ERICH1: variants seen among roughly 807,000 people sequenced by gnomAD.
ERICH1 encodes glutamate-rich protein 1.
ERICH1 carries 56 observed loss-of-function variants against 39.6 expected under a neutral mutation model. That is an observed-to-expected ratio of 1.41 (90% confidence interval 1.14 to 1.77). The LOEUF is 1.77. Among genes scored for constraint, ERICH1 ranks in the 40% most tolerant of loss-of-function variants. The pLI, the probability that ERICH1 is intolerant of heterozygous loss-of-function variation, is 0.00. For missense variants in ERICH1, 826 were observed against 575.4 expected (o/e 1.44, Z -4.45); for synonymous variants, 313 against 223.6 (o/e 1.40, Z -3.57).
downstream of ERICH1, among the ~76,000 whole-genome samples, chr8:661,031 C>T (rs963400248): frequency 2.0e-5 from 3 of 152,178 alleles, no homozygotes; most frequent in South Asian, 6.2e-4. Context: ...GACCAAAGCC[C>T]TAAGTAACCT....
chr8:701,628 C>G (rs1019289498), intron 2 of ERICH1, among the ~76,000 whole-genome samples: 1 of 152,186 alleles, frequency 6.6e-6, no homozygotes, highest in African/African-American at 2.4e-5. Flanking sequence ...ACTGCAAGAG[C>G]AAACACTGTC....
Position 721,062 on chromosome 8 carries a change from C to G in ERICH1, c.23-5055G>C, listed in dbSNP as rs116613688. 3.7e-3 allele frequency among the ~76,000 whole-genome samples: 570 copies of G among 152,228 alleles called. 4 individuals carry two copies. Among genetic ancestry groups the G allele is most frequent in the African/African-American group, 0.013 (538 of 41,534 alleles). ...TCATAAAGTGTCCTGTAAACAGGCA[C>G]AAAAACAGATGATCTCAAATAGATG... On this transcript the variant is annotated intron_variant, in intron 1 of 5. Transcript: ENST00000262109.
At position 627,893 on chromosome 8, in the gene ERICH1, C is replaced by A. The variant is rs866440282; in HGVS notation, c.977-12609G>T. Among the ~76,000 whole-genome samples, 11 of 152,306 alleles carry A rather than the reference C, an allele frequency of 7.2e-5. No homozygotes were observed. In the South Asian group the frequency reaches 2.3e-3, roughly 32 times the overall value. On this transcript the variant is annotated intron_variant, in intron 3 of 3. Transcript: ENST00000522706. Reference sequence around the variant, plus strand: ...CAAGCTCTGGGCAGATCCCAGCTGCCTCCCCTAGTCCCCTCGGGAAGGGGA... The same window carrying A: ...CAAGCTCTGGGCAGATCCCAGCTGCATCCCCTAGTCCCCTCGGGAAGGGGA...
At chr8:668,965 T>C (rs1411394411) in intron 4 of ERICH1, 173 bp from the exon 5 acceptor site, 1 of 641,626 alleles carries the variant, frequency 1.6e-6, no homozygotes, top group Admixed American at 3.1e-5. Flanking sequence ...CAGCACAAAA[T>C]ACCACTGCAT....
chr8:707,455 A>G (rs999134689), intron 2 of ERICH1, among the ~76,000 whole-genome samples: 21 of 152,036 alleles, frequency 1.4e-4, no homozygotes, highest in African/African-American at 4.8e-4. Context: ...TGATCCATCC[A>G]CCTCAGCCTC....
intron 3 of ERICH1, chr8:616,419 A>C: frequency 2.4e-6 from 1 of 409,146 alleles, no homozygotes. Context: ...AGGCTGACCG[A>C]ACCCCGCACA....
intron 3 of ERICH1, among the ~76,000 whole-genome samples, chr8:623,012 C>G (rs1363784449): frequency 6.6e-6 from 1 of 151,140 alleles, no homozygotes; most frequent in Non-Finnish European, 1.5e-5. Context: ...AATACCAATA[C>G]TGTCAATACC....
intron 3 of ERICH1, among the ~76,000 whole-genome samples, chr8:621,234 G>T (rs1797264062): frequency 6.6e-6 from 1 of 152,038 alleles, no homozygotes; most frequent in Non-Finnish European, 1.5e-5. Context: ...GAAAATAAAA[G>T]CACATCATGC....
intron 3 of ERICH1, among the ~76,000 whole-genome samples, chr8:689,794 C>T (rs1328135531): frequency 2.0e-5 from 3 of 152,154 alleles, no homozygotes; most frequent in African/African-American, 4.8e-5. Flanking sequence ...CGGACGTAAG[C>T]GGTATTTTGA....
At chr8:727,997 C>G (rs1307638568) in intron 1 of ERICH1, among the ~76,000 whole-genome samples, 2 of 152,204 alleles carry the variant, frequency 1.3e-5, no homozygotes, top group Non-Finnish European at 2.9e-5. Context: ...GGCCGGACAG[C>G]CTGGCACTCC....
At chr8:633,928 T>A (rs948124829) in intron 3 of ERICH1, among the ~76,000 whole-genome samples, 1 of 152,030 alleles carries the variant, frequency 6.6e-6, no homozygotes, top group Non-Finnish European at 1.5e-5. Flanking sequence ...AAACCTCTCA[T>A]AAGGAAACAC....
At chr8:617,418 G>C (rs1032445962) in intron 3 of ERICH1, among the ~76,000 whole-genome samples, 1 of 152,138 alleles carries the variant, frequency 6.6e-6, no homozygotes, top group Non-Finnish European at 1.5e-5. Flanking sequence ...TACTACCTGC[G>C]TGTTTATCCA....
intron 1 of ERICH1, among the ~76,000 whole-genome samples, chr8:722,580 A>G (rs1335379526): frequency 6.6e-6 from 1 of 152,232 alleles, no homozygotes; most frequent in Non-Finnish European, 1.5e-5. Flanking sequence ...AAGTGAACCT[A>G]TTCAATTCTA....
At chr8:673,189 T>C in intron 4 of ERICH1, 100 bp downstream of exon 4, 1 of 1,355,372 alleles carries the variant, frequency 7.4e-7, no homozygotes, top group Non-Finnish European at 9.9e-7. Context: ...ACATTGAATA[T>C]TTTTAAAGTA....
intron 2 of ERICH1, among the ~76,000 whole-genome samples, chr8:707,249 C>T (rs1457525733): frequency 2.7e-5 from 4 of 150,596 alleles, no homozygotes; most frequent in African/African-American, 7.3e-5. Flanking sequence ...ACTCTATCAC[C>T]CAGGCTGGAG....
intron 2 of ERICH1, among the ~76,000 whole-genome samples, chr8:701,269 T>G (rs1377559079): frequency 6.7e-6 from 1 of 148,258 alleles, no homozygotes; most frequent in Non-Finnish European, 1.5e-5. Flanking sequence ...GAGCACGCCG[T>G]ACCCACGGGT....
At position 647,794 on chromosome 8, in the gene ERICH1, G is replaced by A. The variant is rs535451055; in HGVS notation, c.976+20804C>T. ...AGGGAGTGTCATCATTAGGGGAGCT[G>A]TATTTGTGGGCTGATGGGTTCAGGG... On this transcript the variant is annotated intron_variant, in intron 3 of 3. Coordinates refer to the ERICH1 transcript ENST00000522706. Among the ~76,000 whole-genome samples the A allele has an allele frequency of 3.0e-5, 2 of 67,388 alleles. 1 individual carries two copies. Among genetic ancestry groups the A allele is most frequent in the South Asian group, 1.1e-3 (2 of 1,784 alleles). 44.2% of individuals were successfully genotyped at this position (67,388 alleles called of 152,430 possible). A position where few individuals can be genotyped will look rare whatever the true frequency, so the allele number is the denominator to read the frequency against.
Position 617,029 on chromosome 8 carries a change from T to C in ERICH1, c.977-1745A>G, listed in dbSNP as rs539200879. On this transcript the variant is annotated intron_variant, in intron 3 of 3. Coordinates refer to the ERICH1 transcript ENST00000522706. Reference sequence around the variant, plus strand: ...AAATATCCAGAAGGAAGAAAAACGATTCAGGACCAACGAAATAATTCCGGT... The same window carrying C: ...AAATATCCAGAAGGAAGAAAAACGACTCAGGACCAACGAAATAATTCCGGT... Among the ~76,000 whole-genome samples, 21 of 151,148 alleles carry C rather than the reference T, an allele frequency of 1.4e-4. 1 individual carries two copies. The East Asian group carries it at 3.8e-3, about 27-fold the overall frequency.
intron 3 of ERICH1, among the ~76,000 whole-genome samples, chr8:635,804 G>C (rs1798392333): frequency 1.3e-5 from 2 of 148,844 alleles, no homozygotes; most frequent in East Asian, 3.9e-4. Context: ...CCACATGCGT[G>C]CTGCACCCCA....
Sources: gnomAD v4.1 joint callset for allele counts (sites outside exome capture counted in the v4.1 genomes callset) on GRCh38, gnomAD v4.1.1 for gene constraint, MANE v1.5 for transcripts, NCBI Gene and HGNC (gene_info 2026-07-23, HGNC 2026-07-21) for gene names.